PFKM: variants seen among roughly 807,000 people sequenced by gnomAD.
PFKM encodes the protein ATP-dependent 6-phosphofructokinase, muscle type.
In PFKM, 58 loss-of-function variants were observed where a neutral mutation model predicts 95.5. The observed-to-expected ratio is 0.61, with a 90% CI of 0.49 to 0.76. PFKM has a LOEUF of 0.76. Ranked by LOEUF, PFKM falls within the 30% of genes least tolerant of loss-of-function variation. PFKM has a pLI of 0.00. For synonymous variants in PFKM, 336 were observed against 357.2 expected (o/e 0.94, Z 0.67); for missense variants, 678 against 1,005.4 (o/e 0.67, Z 4.40).
At chr12:48,134,873 TC>T (rs1402864093) in intron 8 of PFKM, 44 bp downstream of exon 8, 4 of 1,588,520 alleles carry the variant, frequency 2.5e-6, no homozygotes, top group Non-Finnish European at 3.5e-6. Flanking sequence ...CTCACCCTGT[TC>T]CACTGATGAT....
chr12:48,127,774 T>C (rs1949011426), intron 2 of PFKM, among the ~76,000 whole-genome samples: 1 of 152,254 alleles, frequency 6.6e-6, no homozygotes, highest in South Asian at 2.1e-4. Context: ...TTCTTTGTTG[T>C]ATGCAACTTT....
At chr12:48,123,102 G>A (rs2090635753) in intron 2 of PFKM, among the ~76,000 whole-genome samples, 1 of 152,004 alleles carries the variant, frequency 6.6e-6, no homozygotes, top group African/African-American at 2.4e-5. Flanking sequence ...TTGGTCTTTG[G>A]GAACCTAAAA....
chr12:48,140,976 C>G, intron 14 of PFKM, 105 bp downstream of exon 14: 1 of 1,226,152 alleles, frequency 8.2e-7, no homozygotes, highest in Non-Finnish European at 1.2e-6. Context: ...CTACCTCTCT[C>G]TCCTCTCTCA....
intron 11 of PFKM, 30 bp from the exon 12 acceptor site, chr12:48,139,255 G>C: frequency 1.9e-6 from 3 of 1,590,162 alleles, no homozygotes; most frequent in Non-Finnish European, 2.6e-6. Flanking sequence ...TGACCCTGGA[G>C]TTGAAACTGT....
chr12:48,133,940 C>T (rs922669257), intron 6 of PFKM, among the ~76,000 whole-genome samples: 1 of 152,104 alleles, frequency 6.6e-6, no homozygotes, highest in African/African-American at 2.4e-5. Context: ...TCCAGTTAGT[C>T]CAATTCTCCC....
At position 48,133,340 on chromosome 12, in the gene PFKM, G is replaced by A. The variant is rs144370737; in HGVS notation, c.453G>A (p.Thr151=). The A allele has an allele frequency of 1.2e-4, 196 of 1,614,068 alleles. No individual in the cohort carries two copies. The African/African-American group carries it at 2.2e-3, about 18-fold the overall frequency. Residue 151 remains threonine, a synonymous_variant, in exon 6 of 23, where the codon ACG becomes ACA. Transcript: ENST00000359794. ...KAGKITDEEA[T]KSSYLNIVGL... Reference sequence around the variant, plus strand: ...GTAAGATCACAGATGAGGAGGCTACGAAGTCCAGCTACCTGAACATTGTGG... The same window carrying A: ...GTAAGATCACAGATGAGGAGGCTACAAAGTCCAGCTACCTGAACATTGTGG...
In PFKM at chr12:48,141,963, A is replaced by G. The variant is rs1192970217; in HGVS notation, c.1550A>G (p.Glu517Gly). The G allele has an allele frequency of 6.2e-7, 1 of 1,613,942 alleles. No homozygotes were observed. Among genetic ancestry groups the G allele is most frequent in the East Asian group, 2.2e-5 (1 of 44,878 alleles). Residue 517 changes from glutamate (E) to glycine (G), a missense_variant, in exon 17 of 23, where the codon GAG becomes GGG. Coordinates refer to ENST00000359794, the MANE Select transcript of PFKM (RefSeq NM_000289.6). ...ATGGAGGGCAGGAAGCAGTTTGATG[A>G]GCTCTGCATCCCATTTGTGGTCATT... ...ELMEGRKQFD[E>G]LCIPFVVIPA...
chr12:48,126,988 T>TTGTG (rs1366363687), intron 2 of PFKM, among the ~76,000 whole-genome samples: 2 of 152,184 alleles, frequency 1.3e-5, no homozygotes, highest in African/African-American at 4.8e-5. Context: ...CAACTTAAGG[T>TTGTG]TGTGAACTTA....
intron 1 of PFKM, 74 bp from the exon 2 acceptor site, chr12:48,122,693 C>A: frequency 6.2e-7 from 1 of 1,605,708 alleles, no homozygotes; most frequent in South Asian, 1.1e-5. Flanking sequence ...TCTAGCCAGT[C>A]TAATTGCCGT....
chr12:48,131,362 C>A lies in PFKM; in HGVS notation c.206C>A (p.Thr69Asn). The change falls in exon 4 of 23, where the codon ACC becomes AAC. Residue 69 changes from threonine (T) to asparagine (N), a missense_variant. Thr to Asn is a moderately conservative substitution (Grantham distance 65). Coordinates refer to ENST00000359794, the MANE Select transcript of PFKM (RefSeq NM_000289.6). ...GGTGGAGATCACATCAAGGAAGCCA[C>A]CTGGGAGAGCGTTTCGATGATGCTT... ...VDGGDHIKEA[T>N]WESVSMMLQL... The A allele has an allele frequency of 6.2e-7, 1 of 1,613,544 alleles. No individual in the cohort carries two copies. Among genetic ancestry groups the A allele is most frequent in the South Asian group, 1.1e-5 (1 of 91,060 alleles).
intron 2 of PFKM, among the ~76,000 whole-genome samples, chr12:48,129,210 CTTTTTTTTTTTTTTTT>C (rs778761447): frequency 8.6e-4 from 19 of 21,996 alleles, no homozygotes; most frequent in Admixed American, 2.3e-3. Context: ...AATTTTCTTT[CTTTTTTTTTTTTTTTT>C]TTTTTTTTTT....
At chr12:48,135,078 G>A in intron 9 of PFKM, 40 bp downstream of exon 9, 4 of 1,454,360 alleles carry the variant, frequency 2.8e-6, no homozygotes, top group Non-Finnish European at 3.9e-6. Flanking sequence ...AGAATCCATA[G>A]CCCATTCCCT....
At chr12:48,139,789 A>G (rs972965688) in intron 12 of PFKM, 60 bp from the exon 13 acceptor site, 17 of 1,138,272 alleles carry the variant, frequency 1.5e-5, no homozygotes, top group East Asian at 1.4e-4. Flanking sequence ...CAGGATCTCC[A>G]TGGCTGCTGG....
chr12:48,114,380 A>T (rs534380969), upstream of PFKM, among the ~76,000 whole-genome samples: 100 of 152,348 alleles, frequency 6.6e-4, no homozygotes, highest in African/African-American at 2.2e-3. Context: ...CTTCAGCTCC[A>T]GCCACCTCTC....
chr12:48,107,621 A>G (rs925584650), intron 2 of PFKM, among the ~76,000 whole-genome samples: 1 of 152,112 alleles, frequency 6.6e-6, no homozygotes, highest in Non-Finnish European at 1.5e-5. Context: ...TGAGTCGTGT[A>G]TTTTCCAGGT....
intron 2 of PFKM, among the ~76,000 whole-genome samples, chr12:48,126,594 A>G (rs1948862044): frequency 6.6e-6 from 1 of 152,188 alleles, no homozygotes; most frequent in Non-Finnish European, 1.5e-5. Flanking sequence ...GTTCGGAGTC[A>G]CTTGTCTCTC....
intron 18 of PFKM, among the ~76,000 whole-genome samples, chr12:48,143,243 C>T (rs1449819622): frequency 6.6e-6 from 1 of 152,160 alleles, no homozygotes; most frequent in Non-Finnish European, 1.5e-5. Context: ...CTCCATATAA[C>T]ATAGAAAGTT....
chr12:48,109,884 T>C lies in PFKM; in HGVS notation c.205+1690T>C, dbSNP rs550356587. Reference sequence around the variant, plus strand: ...ACTCTTCCTCCTTCTTTGACTTCCTTCCAAGAGAATGTGTTGAGCACATAC... The same window carrying C: ...ACTCTTCCTCCTTCTTTGACTTCCTCCCAAGAGAATGTGTTGAGCACATAC... On this transcript the variant is annotated intron_variant, in intron 3 of 24. Coordinates refer to the PFKM transcript ENST00000340802. Among the ~76,000 whole-genome samples, 3 of 152,272 alleles carry C rather than the reference T, an allele frequency of 2.0e-5. No individual in the cohort carries two copies. In the South Asian group the frequency reaches 6.2e-4, roughly 32 times the overall value.
intron 12 of PFKM, chr12:48,139,582 A>G (rs573748618): frequency 1.9e-4 from 118 of 616,020 alleles, no homozygotes; most frequent in African/African-American, 1.6e-3. Context: ...TCTATATGTG[A>G]GCCCCAGCAA....
Sources: allele counts gnomAD v4.1 joint callset (sites outside exome capture counted in the v4.1 genomes callset), GRCh38; gene constraint gnomAD v4.1.1; transcripts MANE v1.5; gene names NCBI Gene and HGNC (gene_info 2026-07-23, HGNC 2026-07-21).